Variants in UTRN observed in about 807,000 individuals in gnomAD.
UTRN encodes utrophin.
UTRN carries 283 observed loss-of-function variants against 463.9 expected under a neutral mutation model. The observed-to-expected ratio is 0.61, with a 90% CI of 0.55 to 0.67. The LOEUF (loss-of-function observed/expected upper bound fraction) is 0.67. Ranked by LOEUF, UTRN falls within the 30% of genes least tolerant of loss-of-function variation. The pLI is 0.00. For synonymous variants in UTRN, 1,442 were observed against 1,431.5 expected (o/e 1.01, Z -0.17); for missense variants, 3,922 against 4,084.3 (o/e 0.96, Z 1.08).
At chr6:144,795,306 A>G (rs560934194) in intron 63 of UTRN, among the ~76,000 whole-genome samples, 6 of 152,228 alleles carry the variant, frequency 3.9e-5, no homozygotes, top group Admixed American at 1.3e-4. Context: ...ACTCTTTGCT[A>G]TTGTGAATAG....
chr6:144,448,307 A>G (rs570841317), intron 16 of UTRN, among the ~76,000 whole-genome samples: 81 of 152,382 alleles, frequency 5.3e-4, no homozygotes, highest in Middle Eastern at 3.4e-3. Context: ...TATATACGCT[A>G]TGATTCCATT....
At chr6:144,375,292 G>A (rs1313892481) in intron 2 of UTRN, among the ~76,000 whole-genome samples, 3 of 152,158 alleles carry the variant, frequency 2.0e-5, no homozygotes, top group Admixed American at 6.5e-5. Context: ...AGACTGGGGG[G>A]CATTTTATGG....
Position 144,732,285 on chromosome 6 carries a change from TATATATATATACAC to T in UTRN, c.7939+1811_7939+1824del, listed in dbSNP as rs529305433. On this transcript the variant is annotated intron_variant, in intron 54 of 74. Coordinates refer to ENST00000367545, the MANE Select transcript of UTRN (RefSeq NM_007124.3). ...ACACATATATATATATATACACACATATATATATATACACATATATATATATAAAAAATGTATAC... is the reference window on the plus strand; with the variant it reads ...ACACATATATATATATATACACACATATATATATATATAAAAAATGTATAC... Among the ~76,000 whole-genome samples the T allele has an allele frequency of 1.4e-3, 169 of 120,480 alleles. 4 individuals are homozygous for T. In the East Asian group the frequency reaches 0.045, roughly 32 times the overall value. 79.0% of individuals were successfully genotyped at this position (120,480 alleles called of 152,430 possible).
intron 60 of UTRN, among the ~76,000 whole-genome samples, chr6:144,779,517 A>C (rs1229875319): frequency 2.0e-5 from 3 of 152,192 alleles, no homozygotes; most frequent in Non-Finnish European, 4.4e-5. Context: ...AATATTCACT[A>C]ATTGGAAGTG....
At chr6:144,555,937 G>A (rs1799341871) in intron 49 of UTRN, among the ~76,000 whole-genome samples, 1 of 152,190 alleles carries the variant, frequency 6.6e-6, no homozygotes, top group African/African-American at 2.4e-5. Flanking sequence ...AGATAAGTAA[G>A]TTTAGTTTCC....
At chr6:144,591,010 G>A (rs551951450) in intron 51 of UTRN, among the ~76,000 whole-genome samples, 1 of 152,212 alleles carries the variant, frequency 6.6e-6, no homozygotes, top group East Asian at 1.9e-4. Flanking sequence ...TACCACTATT[G>A]GTAGGATTAT....
intron 32 of UTRN, among the ~76,000 whole-genome samples, chr6:144,492,395 C>T (rs557011779): frequency 6.6e-6 from 1 of 152,156 alleles, no homozygotes; most frequent in African/African-American, 2.4e-5. Context: ...TGTATTTGTA[C>T]CACGTTTTCT....
At chr6:144,450,512 C>G (rs1183897169) in intron 17 of UTRN, among the ~76,000 whole-genome samples, 1 of 152,246 alleles carries the variant, frequency 6.6e-6, no homozygotes, top group Non-Finnish European at 1.5e-5. Context: ...GAAGCCACTC[C>G]TGTGAATTCC....
At chr6:144,533,648 C>T (rs111932137) in intron 43 of UTRN, among the ~76,000 whole-genome samples, 1 of 151,994 alleles carries the variant, frequency 6.6e-6, no homozygotes, top group Admixed American at 6.6e-5. Flanking sequence ...TAATACGTCT[C>T]ACTAAGTTAT....
chr6:144,755,402 T>G (rs576957744), intron 57 of UTRN, among the ~76,000 whole-genome samples: 1 of 152,336 alleles, frequency 6.6e-6, no homozygotes, highest in East Asian at 1.9e-4. Context: ...AATTTGAGCT[T>G]CTACTTTATC....
intron 14 of UTRN, among the ~76,000 whole-genome samples, chr6:144,444,859 C>G (rs1424798198): frequency 1.3e-5 from 2 of 152,186 alleles, no homozygotes; most frequent in Admixed American, 1.3e-4. Flanking sequence ...TGATTTAACA[C>G]TGGATTAATT....
rs919182655 is a variant in UTRN at position 144,297,615 on chromosome 6, G to T, written c.79+5708G>T. Among the ~76,000 whole-genome samples the T allele has an allele frequency of 3.9e-5, 6 of 152,164 alleles. No homozygotes were observed. The South Asian group carries it at 1.0e-3, about 26-fold the overall frequency. On this transcript the variant is annotated intron_variant, in intron 2 of 74. Transcript: ENST00000367545. Reference sequence around the variant, plus strand: ...TGGAATACCTGTGCTTTGAAGGGAGGTCTTTGAGCAGGTTTGTTTTTTTCC... The same window carrying T: ...TGGAATACCTGTGCTTTGAAGGGAGTTCTTTGAGCAGGTTTGTTTTTTTCC...
intron 56 of UTRN, among the ~76,000 whole-genome samples, chr6:144,752,580 T>G (rs1296117302): frequency 6.6e-6 from 1 of 152,204 alleles, no homozygotes; most frequent in African/African-American, 2.4e-5. Flanking sequence ...TCATATTTTC[T>G]TAATGAAATT....
intron 12 of UTRN, among the ~76,000 whole-genome samples, chr6:144,439,104 G>A (rs1261300178): frequency 6.6e-6 from 1 of 152,170 alleles, no homozygotes; most frequent in Non-Finnish European, 1.5e-5. Flanking sequence ...TATATGTGAT[G>A]TGCAGTTTTC....
chr6:144,430,816 T>C (rs1017686257), intron 9 of UTRN, among the ~76,000 whole-genome samples: 1 of 152,196 alleles, frequency 6.6e-6, no homozygotes, highest in Admixed American at 6.5e-5. Context: ...ATAGCATCTT[T>C]TTTTTCCATC....
intron 23 of UTRN, among the ~76,000 whole-genome samples, chr6:144,468,416 G>A (rs78352861): frequency 1.0e-3 from 153 of 152,144 alleles, no homozygotes; most frequent in African/African-American, 3.5e-3. Context: ...TACTGTATTC[G>A]TAATTTTATA....
At chr6:144,360,608 G>A (rs566685181) in intron 2 of UTRN, among the ~76,000 whole-genome samples, 1 of 152,276 alleles carries the variant, frequency 6.6e-6, no homozygotes, top group South Asian at 2.1e-4. Flanking sequence ...TTGCCTGAGG[G>A]CATTCTCTGG....
At chr6:144,448,883 T>C (rs1220765801) in intron 17 of UTRN, 114 bp downstream of exon 17, 10 of 1,237,546 alleles carry the variant, frequency 8.1e-6, no homozygotes, top group Non-Finnish European at 9.9e-6. Flanking sequence ...ATAATAAGTA[T>C]TATTATTATG....
Position 144,523,136 on chromosome 6 carries a change from C to T in UTRN, c.5854C>T (p.Gln1952Ter). 1 of 1,613,016 alleles carries T rather than the reference C, an allele frequency of 6.2e-7. No homozygotes were observed. Among genetic ancestry groups the T allele is most frequent in the Non-Finnish European group, 8.5e-7 (1 of 1,179,514 alleles). The change falls in exon 41 of 75, where the codon CAG becomes TAG. Residue 1952 changes from glutamine (Q) to a stop codon, truncating the protein, a stop_gained. Transcript: ENST00000367545. LOFTEE classifies it high-confidence loss of function. ...CATTCAGATCAGAGATACACTTACT[C>T]AGCTGAATGCAAAATGGGACAGAAT... ...EAIQIRDTLT[Q>*]LNAKWDRINR...
Sources: gnomAD v4.1 joint callset for allele counts (sites outside exome capture counted in the v4.1 genomes callset) on GRCh38, gnomAD v4.1.1 for gene constraint, MANE v1.5 for transcripts, NCBI Gene and HGNC (gene_info 2026-07-23, HGNC 2026-07-21) for gene names.